Variants in TSGA10 observed in about 807,000 individuals in gnomAD.
TSGA10 encodes the protein testis-specific gene 10 protein.
Under a neutral mutation model 96.6 loss-of-function variants are expected in TSGA10, and 43 were observed. The ratio of observed to expected loss-of-function variants is 0.44; its 90% CI spans 0.35 to 0.57. TSGA10 has a LOEUF of 0.57. TSGA10 is among the 20% of genes least tolerant of loss of function. The pLI, the probability that TSGA10 is intolerant of heterozygous loss-of-function variation, is 0.01. For synonymous variants in TSGA10, 229 were observed against 269.9 expected (o/e 0.85, Z 1.48); for missense variants, 703 against 834.4 (o/e 0.84, Z 1.94).
chr2:99,147,286 C>T (rs186553142), intron 1 of TSGA10: 2 of 537,426 alleles, frequency 3.7e-6, no homozygotes, highest in Non-Finnish European at 6.5e-6. Context: ...CAGGCGTGAG[C>T]CATTGTGCCC....
chr2:99,066,452 A>G (rs1032342570), intron 15 of TSGA10, among the ~76,000 whole-genome samples: 18 of 152,152 alleles, frequency 1.2e-4, no homozygotes, highest in Non-Finnish European at 2.6e-4. Flanking sequence ...CTTACTGTCT[A>G]TGTCATTCAC....
chr2:99,110,969 A>G, intron 4 of TSGA10, 54 bp from the exon 5 acceptor site: 3 of 479,350 alleles, frequency 6.3e-6, no homozygotes, highest in Non-Finnish European at 8.2e-6. Context: ...TGTTTAAACT[A>G]ATTGGAAAAA....
intron 2 of TSGA10, chr2:99,125,379 T>C (rs191280352): frequency 2.6e-5 from 4 of 152,354 alleles, no homozygotes; most frequent in Admixed American, 2.6e-4. Context: ...ATTTTTTAGT[T>C]CCAAAATGTC....
chr2:99,069,482 T>A (rs908133128), intron 14 of TSGA10, among the ~76,000 whole-genome samples: 2 of 151,970 alleles, frequency 1.3e-5, no homozygotes, highest in African/African-American at 4.8e-5. Context: ...CACATGGGGA[T>A]TCATTATATT....
chr2:99,117,463 ATGCTACTTTTTCCAT>A (rs1250579638), intron 4 of TSGA10, 66 bp downstream of exon 4: 1 of 596,310 alleles, frequency 1.7e-6, no homozygotes, highest in East Asian at 1.4e-4. Context: ...ACAAATGAGA[ATGCTACTTTTTCCAT>A]TGCATTTAAA....
At chr2:99,087,656 C>T in intron 10 of TSGA10, among the ~76,000 whole-genome samples, 1 of 152,096 alleles carries the variant, frequency 6.6e-6, no homozygotes, top group East Asian at 1.9e-4. Flanking sequence ...CCACTACTGT[C>T]CAGCCTGAGT....
intron 1 of TSGA10, chr2:99,150,825 T>C (rs1362112000): frequency 6.3e-7 from 1 of 1,583,392 alleles, no homozygotes; most frequent in East Asian, 2.2e-5. Context: ...AAATGACAGA[T>C]GTGGAATGAA....
intron 16 of TSGA10, among the ~76,000 whole-genome samples, chr2:99,039,243 C>A (rs1221627804): frequency 6.7e-6 from 1 of 149,126 alleles, no homozygotes; most frequent in Admixed American, 6.7e-5. Flanking sequence ...AAGAACAAAC[C>A]AAACTCAAAC....
At chr2:99,113,614 C>T (rs1326173491) in intron 4 of TSGA10, among the ~76,000 whole-genome samples, 2 of 152,126 alleles carry the variant, frequency 1.3e-5, no homozygotes, top group South Asian at 2.1e-4. Context: ...GGCGTGATCT[C>T]GGCTCACTGC....
chr2:99,150,421 A>G (rs564441587), intron 1 of TSGA10: 23 of 922,886 alleles, frequency 2.5e-5, no homozygotes, highest in Admixed American at 1.6e-4. Context: ...TCAAACAAAC[A>G]TTGCCATGAA....
At chr2:99,007,326 A>T (rs1414699916) in intron 20 of TSGA10, among the ~76,000 whole-genome samples, 1 of 152,180 alleles carries the variant, frequency 6.6e-6, no homozygotes, top group African/African-American at 2.4e-5. Context: ...ATTTCTCAAA[A>T]AAATTCACAA....
rs181992197 is a variant in TSGA10 at position 99,110,227 on chromosome 2, A to G, written c.-74+623T>C. On this transcript the variant is annotated intron_variant, in intron 5 of 20. Transcript: ENST00000393483. ...TTATAGCATCTAAGTTTTGTCCAAT[A>G]TTGTTCAATGCGTGAATAAATTAAC... 3.5e-3 allele frequency among the ~76,000 whole-genome samples: 540 copies of G among 152,280 alleles called. 3 individuals carry two copies. The highest frequency in any genetic ancestry group is 5.7e-3 in the Non-Finnish European group (388 of 68,010).
chr2:99,108,417 A>T (rs1260799397), intron 7 of TSGA10, among the ~76,000 whole-genome samples: 1 of 152,184 alleles, frequency 6.6e-6, no homozygotes, highest in Non-Finnish European at 1.5e-5. Flanking sequence ...GAAAGCAGAG[A>T]TAAACTACAT....
intron 1 of TSGA10, among the ~76,000 whole-genome samples, chr2:99,137,449 T>C (rs929204586): frequency 6.6e-6 from 1 of 152,334 alleles, no homozygotes; most frequent in East Asian, 1.9e-4. Flanking sequence ...ATCTTGTAAG[T>C]GAAGACAAGG....
At position 99,130,300 on chromosome 2, in the gene TSGA10, C is replaced by T. The variant is rs542616076; in HGVS notation, c.-620-3124G>A. 4.6e-5 allele frequency among the ~76,000 whole-genome samples: 7 copies of T among 152,190 alleles called. No homozygotes were observed. The South Asian group carries it at 1.0e-3, about 23-fold the overall frequency. On this transcript the variant is annotated intron_variant, in intron 1 of 20. Transcript: ENST00000393483. The stretch of plus-strand genomic sequence containing the variant: ...AACTTCTCCAGCATCTGCTGTTTCC[C>T]GACTTTTTAATGATCGCCATTCAAA...
At chr2:99,124,686 A>C (rs2092736137) in intron 2 of TSGA10, 2 of 152,144 alleles carry the variant, frequency 1.3e-5, no homozygotes, top group East Asian at 3.9e-4. Context: ...CCGGGTTCAC[A>C]CAATTCTCCT....
intron 16 of TSGA10, among the ~76,000 whole-genome samples, chr2:99,038,219 C>T (rs1027065012): frequency 1.3e-5 from 2 of 152,054 alleles, no homozygotes; most frequent in African/African-American, 2.4e-5. Flanking sequence ...ATAACTCTCA[C>T]AAGGCCTATA....
At chr2:99,091,302 A>G (rs1216662534) in intron 10 of TSGA10, among the ~76,000 whole-genome samples, 1 of 152,176 alleles carries the variant, frequency 6.6e-6, no homozygotes, top group African/African-American at 2.4e-5. Flanking sequence ...CTCAATATAC[A>G]TCAAACAGAA....
At chr2:99,077,869 G>A (rs992100945) in intron 12 of TSGA10, among the ~76,000 whole-genome samples, 3 of 151,640 alleles carry the variant, frequency 2.0e-5, no homozygotes, top group African/African-American at 4.8e-5. Context: ...GCCTGCACGC[G>A]GCCGGCAACA....
Sources: allele counts gnomAD v4.1 joint callset (sites outside exome capture counted in the v4.1 genomes callset), GRCh38; gene constraint gnomAD v4.1.1; transcripts MANE v1.5; gene names NCBI Gene and HGNC (gene_info 2026-07-23, HGNC 2026-07-21).